NUDCD3: variants seen among roughly 807,000 people sequenced by gnomAD.
The protein encoded by NUDCD3 is nudC domain-containing protein 3.
NUDCD3 carries 13 observed loss-of-function variants against 39.7 expected under a neutral mutation model. The ratio of observed to expected loss-of-function variants is 0.33; its 90% CI spans 0.21 to 0.52. The LOEUF (loss-of-function observed/expected upper bound fraction) is 0.52, where lower values mean the gene tolerates loss of function less well. Among genes scored for constraint, NUDCD3 ranks in the 20% least tolerant of loss-of-function variants. NUDCD3 has a pLI of 0.96. For missense variants in NUDCD3, 453 were observed against 458.1 expected, an observed-to-expected ratio of 0.99 and a Z score of 0.10; for synonymous variants, 175 against 172.4, an observed-to-expected ratio of 1.02 and a Z score of -0.12.
intron 3 of NUDCD3, among the ~76,000 whole-genome samples, chr7:44,410,920 C>G (rs1352854272): frequency 6.6e-6 from 1 of 152,066 alleles, no homozygotes; most frequent in African/African-American, 2.4e-5. Context: ...GAGCCAAGAT[C>G]GCGTCACTGC....
At position 44,392,493 on chromosome 7, in the gene NUDCD3, C is replaced by G. The variant is rs113443436; in HGVS notation, c.787-8G>C. The G allele has an allele frequency of 0.02, 31,791 of 1,612,742 alleles. 389 individuals carry two copies. The highest frequency in any genetic ancestry group is 0.024 in the Non-Finnish European group (28,363 of 1,179,106). Reference sequence around the variant, plus strand: ...CACCTTGCTCAGGTTCACCTGGGGACAAGCAGGACAGAGACCTGAGTCAGA... The same window carrying G: ...CACCTTGCTCAGGTTCACCTGGGGAGAAGCAGGACAGAGACCTGAGTCAGA... On this transcript the variant is annotated splice_region_variant and splice_polypyrimidine_tract_variant and intron_variant, in intron 4 of 5. Coordinates refer to ENST00000355451, the MANE Select transcript of NUDCD3 (RefSeq NM_015332.4).
chr7:44,390,345 C>T (rs1443594876), intron 5 of NUDCD3, among the ~76,000 whole-genome samples: 1 of 152,154 alleles, frequency 6.6e-6, no homozygotes, highest in Non-Finnish European at 1.5e-5. Context: ...GCCTGGGTGA[C>T]AGAGCGAGGC....
At chr7:44,448,364 T>C (rs947436486) in intron 2 of NUDCD3, among the ~76,000 whole-genome samples, 1 of 152,170 alleles carries the variant, frequency 6.6e-6, no homozygotes, top group Non-Finnish European at 1.5e-5. Flanking sequence ...AGAGGAGATG[T>C]GGAGAGTGAC....
At chr7:44,395,603 C>T (rs772512438) in intron 4 of NUDCD3, among the ~76,000 whole-genome samples, 3 of 152,196 alleles carry the variant, frequency 2.0e-5, no homozygotes, top group South Asian at 2.1e-4. Context: ...AAGCCACTGG[C>T]AACTACTAAT....
chr7:44,405,687 G>A (rs972050581), intron 3 of NUDCD3, among the ~76,000 whole-genome samples: 2 of 152,180 alleles, frequency 1.3e-5, no homozygotes, highest in African/African-American at 4.8e-5. Context: ...CCAAACTGGA[G>A]TTTAGTATTT....
intron 2 of NUDCD3, among the ~76,000 whole-genome samples, chr7:44,444,937 C>T (rs1229175635): frequency 6.6e-6 from 1 of 152,208 alleles, no homozygotes; most frequent in Non-Finnish European, 1.5e-5. Flanking sequence ...ACTGTGAAAT[C>T]TCTGCCAATC....
intron 1 of NUDCD3, among the ~76,000 whole-genome samples, chr7:44,486,259 G>A (rs1334702222): frequency 6.6e-6 from 1 of 152,180 alleles, no homozygotes; most frequent in Non-Finnish European, 1.5e-5. Context: ...ATGCGGACAG[G>A]TATTAAATAA....
chr7:44,458,745 A>G (rs1799948664), intron 2 of NUDCD3, among the ~76,000 whole-genome samples: 2 of 152,234 alleles, frequency 1.3e-5, no homozygotes, highest in Non-Finnish European at 2.9e-5. Flanking sequence ...TGTACATGTT[A>G]AAGTACAAAT....
chr7:44,442,071 G>A (rs1015077785), intron 2 of NUDCD3, among the ~76,000 whole-genome samples: 3 of 152,150 alleles, frequency 2.0e-5, no homozygotes, highest in African/African-American at 4.8e-5. Flanking sequence ...GATGTTCCTG[G>A]GGTTAATGAG....
intron 5 of NUDCD3, among the ~76,000 whole-genome samples, chr7:44,390,592 T>C (rs6961404): frequency 0.17 from 25,916 of 152,030 alleles, 2,668 homozygotes; most frequent in African/African-American, 0.28. Flanking sequence ...TTCTTATCTT[T>C]CTGGAACAAA....
intron 4 of NUDCD3, among the ~76,000 whole-genome samples, chr7:44,401,597 G>A (rs1319421677): frequency 5.3e-5 from 8 of 152,174 alleles, no homozygotes; most frequent in Admixed American, 5.2e-4. Flanking sequence ...TGATAATAAA[G>A]GCACTTTAAG....
intron 4 of NUDCD3, among the ~76,000 whole-genome samples, chr7:44,397,428 C>T (rs775402955): frequency 2.0e-5 from 3 of 152,192 alleles, no homozygotes; most frequent in Non-Finnish European, 4.4e-5. Flanking sequence ...TGCTGCACCC[C>T]TACCAGTAGC....
chr7:44,410,533 G>A (rs1352223915), intron 3 of NUDCD3, among the ~76,000 whole-genome samples: 4 of 152,006 alleles, frequency 2.6e-5, no homozygotes, highest in East Asian at 1.9e-4. Context: ...GTGTGGTGGC[G>A]GGTGCCTGTA....
At chr7:44,420,874 G>A (rs184015510) in intron 3 of NUDCD3, among the ~76,000 whole-genome samples, 2,560 of 152,176 alleles carry the variant, frequency 0.017, 56 homozygotes, top group African/African-American at 0.057. Flanking sequence ...AGGAAAAACC[G>A]GTACCAGCCA....
At chr7:44,485,580 C>A (rs947261217) in intron 1 of NUDCD3, 7 of 281,122 alleles carry the variant, frequency 2.5e-5, no homozygotes, top group Non-Finnish European at 4.7e-5. Context: ...TTTACAGACC[C>A]CAGTCTTGTT....
intron 3 of NUDCD3, among the ~76,000 whole-genome samples, chr7:44,422,355 G>GA (rs1554490117): frequency 1.3e-5 from 2 of 151,900 alleles, no homozygotes; most frequent in East Asian, 3.9e-4. Flanking sequence ...TCCAGGAGCT[G>GA]TTTTTTTTAA....
intron 2 of NUDCD3, among the ~76,000 whole-genome samples, chr7:44,476,934 C>T (rs909804878): frequency 6.6e-6 from 1 of 152,120 alleles, no homozygotes; most frequent in African/African-American, 2.4e-5. Context: ...CCTACGGAGA[C>T]CAAGTCAGGA....
At chr7:44,439,843 A>C (rs142205175) in intron 2 of NUDCD3, among the ~76,000 whole-genome samples, 158 of 152,324 alleles carry the variant, frequency 1.0e-3, no homozygotes, top group African/African-American at 3.3e-3. Flanking sequence ...AATGAGGGAA[A>C]TAGGAAATTG....
chr7:44,392,627 G>T (rs1798542782), intron 4 of NUDCD3, 142 bp from the exon 5 acceptor site: 2 of 694,560 alleles, frequency 2.9e-6, no homozygotes, highest in East Asian at 5.4e-5. Context: ...AGACAAGAGG[G>T]GGTGCCAGAA....
Sources: allele counts gnomAD v4.1 joint callset (sites outside exome capture counted in the v4.1 genomes callset), GRCh38; gene constraint gnomAD v4.1.1; transcripts MANE v1.5; gene names NCBI Gene and HGNC (gene_info 2026-07-23, HGNC 2026-07-21).